Variants in RYR2 observed in about 807,000 individuals in gnomAD.
The protein encoded by RYR2 is cardiac muscle ryanodine receptor-calcium release channel.
A neutral mutation model predicts 601.1 loss-of-function variants in RYR2; 227 were observed. The ratio of observed to expected loss-of-function variants is 0.38; its 90% CI spans 0.34 to 0.42. RYR2 has a LOEUF of 0.42. Among genes scored for constraint, RYR2 ranks in the 10% least tolerant of loss-of-function variants. The probability of loss-of-function intolerance (pLI) is 1.00; values close to 1 mark genes in which losing one functional copy is unlikely to be tolerated. For synonymous variants in RYR2, 2,223 were observed against 2,175.1 expected, an observed-to-expected ratio of 1.02 and a Z score of -0.61; for missense variants, 4,646 against 6,156.5, an observed-to-expected ratio of 0.75 and a Z score of 8.21.
intron 100 of RYR2, among the ~76,000 whole-genome samples, chr1:237,811,437 T>C (rs1473377676): frequency 1.3e-5 from 2 of 152,238 alleles, no homozygotes; most frequent in Non-Finnish European, 2.9e-5. Flanking sequence ...TTTAAACAAG[T>C]ATTCTTTTAT....
chr1:237,457,068 G>A (rs1658923119), intron 16 of RYR2, among the ~76,000 whole-genome samples: 1 of 152,146 alleles, frequency 6.6e-6, no homozygotes, highest in East Asian at 1.9e-4. Flanking sequence ...AGTGAGAAAG[G>A]TAGCTAGAGA....
Position 237,631,293 on chromosome 1 carries a change from G to A in RYR2, c.6441-134G>A, listed in dbSNP as rs532775858. On this transcript the variant is annotated intron_variant, in intron 41 of 104. Coordinates refer to ENST00000366574, the MANE Select transcript of RYR2 (RefSeq NM_001035.3). ...AAAACAATTACATTCATTAATTTTTGTGGCTTATTAAATACTGTGATTGCT... is the reference window on the plus strand; with the variant it reads ...AAAACAATTACATTCATTAATTTTTATGGCTTATTAAATACTGTGATTGCT... 1.1e-4 allele frequency: 63 copies of A among 597,196 alleles called. No homozygotes were observed. The South Asian group carries it at 1.4e-3, about 13-fold the overall frequency. 37.0% of individuals were successfully genotyped at this position (597,196 alleles called of 1,614,324 possible). A position where few individuals can be genotyped will look rare whatever the true frequency, so the allele number is the denominator to read the frequency against.
At chr1:237,348,182 G>A (rs902189406) in intron 3 of RYR2, among the ~76,000 whole-genome samples, 3 of 151,992 alleles carry the variant, frequency 2.0e-5, no homozygotes, top group African/African-American at 7.2e-5. Context: ...TACGAGACAG[G>A]GTCTCATTGT....
chr1:237,831,349 C>A (rs1663762797), intron 103 of RYR2, among the ~76,000 whole-genome samples, 165 bp from the exon 104 acceptor site: 1 of 152,220 alleles, frequency 6.6e-6, no homozygotes, highest in African/African-American at 2.4e-5. Flanking sequence ...GTCAGGTCCA[C>A]AGCCTTTCCT....
At chr1:237,722,723 G>A (rs377432776) in intron 73 of RYR2, among the ~76,000 whole-genome samples, 12 of 152,136 alleles carry the variant, frequency 7.9e-5, no homozygotes, top group African/African-American at 2.4e-4. Flanking sequence ...GTGAGCCACC[G>A]TGCCTGGCCA....
rs41305973 is a variant in RYR2 at position 237,635,042 on chromosome 1, G to A, written c.6792+50G>A. ...GTTTGTCTGAATTATGCTTTTTCAC[G>A]GTTTTCTCAATATTTTAAATATAAG... On this transcript the variant is annotated intron_variant, in intron 44 of 104. Coordinates refer to ENST00000366574, the MANE Select transcript of RYR2 (RefSeq NM_001035.3). The A allele has an allele frequency of 0.1, 133,820 of 1,299,190 alleles. 8,224 individuals are homozygous for A. Among genetic ancestry groups the A allele is most frequent in the Non-Finnish European group, 0.12 (117,056 of 966,746 alleles). 80.5% of individuals were successfully genotyped at this position (1,299,190 alleles called of 1,614,324 possible). A position where few individuals can be genotyped will look rare whatever the true frequency, so the allele number is the denominator to read the frequency against.
intron 88 of RYR2, among the ~76,000 whole-genome samples, chr1:237,779,248 A>G (rs1694904357): frequency 6.6e-6 from 1 of 152,236 alleles, no homozygotes; most frequent in Non-Finnish European, 1.5e-5. Flanking sequence ...TGACAGAGAA[A>G]AAGTAGCTAT....
rs1005069898 is a variant in RYR2, at chr1:237,519,976, T to G, written c.2822+8185T>G. 2.6e-5 allele frequency among the ~76,000 whole-genome samples: 4 copies of G among 152,304 alleles called. No homozygotes were observed. In the East Asian group the frequency reaches 7.7e-4, roughly 29 times the overall value. On this transcript the variant is annotated intron_variant, in intron 24 of 104. Coordinates refer to ENST00000366574, the MANE Select transcript of RYR2 (RefSeq NM_001035.3). ...TCTTTCATCATTGTTTTATAGTTTC[T>G]CTTGTACAGATCTTGTACACCTCCT...
At chr1:237,624,980 T>A (rs1040162557) in intron 39 of RYR2, among the ~76,000 whole-genome samples, 23 of 151,728 alleles carry the variant, frequency 1.5e-4, no homozygotes, top group Non-Finnish European at 2.9e-5. Context: ...TGTACATGTA[T>A]GTGTGTGTAT....
chr1:237,301,931 A>C (rs1693390244), intron 2 of RYR2, among the ~76,000 whole-genome samples: 1 of 152,186 alleles, frequency 6.6e-6, no homozygotes, highest in Non-Finnish European at 1.5e-5. Context: ...TCACCTGTTA[A>C]GGCCCATTGA....
rs370022995 is a variant in RYR2 at position 237,284,241 on chromosome 1, C to T, written c.168+13625C>T. Among the ~76,000 whole-genome samples the T allele has an allele frequency of 1.6e-4, 25 of 151,822 alleles. No individual in the cohort carries two copies. The East Asian group carries it at 4.3e-3, about 26-fold the overall frequency. ...CTACTAAAAATACAAATCAGCCGGG[C>T]GTGGTCGCGGGCACCTGTAATCCCA... On this transcript the variant is annotated intron_variant, in intron 2 of 104. Coordinates refer to ENST00000366574, the MANE Select transcript of RYR2 (RefSeq NM_001035.3).
At chr1:237,567,528 T>C (rs570462174) in intron 28 of RYR2, among the ~76,000 whole-genome samples, 1 of 151,826 alleles carries the variant, frequency 6.6e-6, no homozygotes, top group African/African-American at 2.4e-5. Flanking sequence ...AGGTCGAGGC[T>C]GCAATGAGCC....
rs1668756518 is a variant in RYR2 at position 237,106,999 on chromosome 1, T to C, written c.48+64430T>C. On this transcript the variant is annotated intron_variant, in intron 1 of 104. Transcript: ENST00000366574. The surrounding 1 kb of genome is among the most constrained non-coding windows in gnomAD (Gnocchi z 4.4). ...ATGATTTTGGGGGGACTGAGGGACATAAACATTTAGTCTGTAACACAAAGG... is the reference window on the plus strand; with the variant it reads ...ATGATTTTGGGGGGACTGAGGGACACAAACATTTAGTCTGTAACACAAAGG... 6.6e-6 allele frequency among the ~76,000 whole-genome samples: 1 copy of C among 152,116 alleles called. No homozygotes were observed. Among genetic ancestry groups the C allele is most frequent in the Admixed American group, 6.5e-5 (1 of 15,276 alleles).
chr1:237,228,405 T>C (rs1438549694), intron 1 of RYR2, among the ~76,000 whole-genome samples: 2 of 152,248 alleles, frequency 1.3e-5, no homozygotes, highest in African/African-American at 4.8e-5. Flanking sequence ...TTCCACATTT[T>C]TGCAATTTTG....
intron 19 of RYR2, among the ~76,000 whole-genome samples, chr1:237,494,999 C>A (rs2086210): frequency 0.59 from 90,312 of 151,800 alleles, 27,068 homozygotes; most frequent in Middle Eastern, 0.72. Flanking sequence ...CCATGTTGGC[C>A]AGCCTGGTCT....
At chr1:237,103,916 G>A (rs1457938593) in intron 1 of RYR2, among the ~76,000 whole-genome samples, 2 of 151,064 alleles carry the variant, frequency 1.3e-5, no homozygotes, top group Non-Finnish European at 2.9e-5. Flanking sequence ...AACTTGGTTG[G>A]TTTCTGTCAT....
intron 38 of RYR2, among the ~76,000 whole-genome samples, chr1:237,619,960 G>C (rs954265158): frequency 2.0e-5 from 3 of 152,050 alleles, no homozygotes; most frequent in Non-Finnish European, 4.4e-5. Context: ...GCTAAAGGAA[G>C]TTCTTTAAAT....
chr1:237,627,650 C>T (rs1452888650), intron 40 of RYR2, among the ~76,000 whole-genome samples, 157 bp from the exon 41 acceptor site: 1 of 152,078 alleles, frequency 6.6e-6, no homozygotes, highest in Non-Finnish European at 1.5e-5. Context: ...ATGTATCATC[C>T]AATGAAGGTT....
intron 1 of RYR2, among the ~76,000 whole-genome samples, chr1:237,212,754 C>T (rs1682728043): frequency 6.6e-6 from 1 of 151,462 alleles, no homozygotes; most frequent in Admixed American, 6.6e-5. Context: ...CATTTTCCTG[C>T]GTGTTAACCA....
Sources: allele counts gnomAD v4.1 joint callset (sites outside exome capture counted in the v4.1 genomes callset), GRCh38; gene constraint gnomAD v4.1.1; non-coding constraint Gnocchi (gnomAD v3.1); transcripts MANE v1.5; gene names NCBI Gene and HGNC (gene_info 2026-07-23, HGNC 2026-07-21).